The following AFAP1L1 variants were observed in gnomAD, a reference collection of about 807,000 sequenced individuals.
AFAP1L1 encodes the protein actin filament-associated protein 1-like 1.
In AFAP1L1, 77 loss-of-function variants were observed where a neutral mutation model predicts 99.8. That is an observed-to-expected ratio of 0.77 (90% CI 0.64 to 0.93). AFAP1L1 has a LOEUF of 0.93. Ranked by LOEUF, AFAP1L1 falls within the 40% of genes least tolerant of loss-of-function variation. AFAP1L1 has a pLI of 0.00. For missense variants in AFAP1L1, 893 were observed against 996.8 expected (o/e 0.90, Z 1.40); for synonymous variants, 373 against 395.3 (o/e 0.94, Z 0.67).
intron 8 of AFAP1L1, 85 bp downstream of exon 8, chr5:149,310,220 C>A (rs1756583586): frequency 9.0e-6 from 13 of 1,442,866 alleles, no homozygotes; most frequent in Non-Finnish European, 1.2e-5. Context: ...GCTCCTGTCC[C>A]TGGAAGAGCC....
chr5:149,327,873 A>T (rs570282458), intron 15 of AFAP1L1, among the ~76,000 whole-genome samples: 3 of 152,350 alleles, frequency 2.0e-5, no homozygotes, highest in African/African-American at 7.2e-5. Flanking sequence ...AGATGAGCAT[A>T]AAAAATATTC....
intron 15 of AFAP1L1, among the ~76,000 whole-genome samples, chr5:149,329,406 C>A (rs988781807): frequency 2.6e-5 from 4 of 152,312 alleles, no homozygotes; most frequent in African/African-American, 9.6e-5. Flanking sequence ...GTCACACAAC[C>A]TTTGACCAGC....
At chr5:149,276,284 C>T (rs571781572) in intron 1 of AFAP1L1, among the ~76,000 whole-genome samples, 4 of 152,292 alleles carry the variant, frequency 2.6e-5, no homozygotes, top group East Asian at 3.9e-4. Flanking sequence ...AAACAAACGC[C>T]GAAAGTAGAA....
chr5:149,274,453 G>A (rs1179661150), intron 1 of AFAP1L1, among the ~76,000 whole-genome samples: 3 of 152,212 alleles, frequency 2.0e-5, no homozygotes, highest in African/African-American at 4.8e-5. Flanking sequence ...AAGTGGTCTT[G>A]TGGCTGGGCA....
At chr5:149,317,488 C>T (rs370866185) in intron 11 of AFAP1L1, among the ~76,000 whole-genome samples, 74 of 152,312 alleles carry the variant, frequency 4.9e-4, no homozygotes, top group African/African-American at 1.7e-3. Context: ...CTGCCCTTTT[C>T]ATCAAGGTTG....
At chr5:149,322,312 G>A (rs986819617) in intron 14 of AFAP1L1, among the ~76,000 whole-genome samples, 4 of 152,058 alleles carry the variant, frequency 2.6e-5, no homozygotes, top group Non-Finnish European at 4.4e-5. Flanking sequence ...CAAAAGTATC[G>A]ATGATAAATC....
intron 16 of AFAP1L1, among the ~76,000 whole-genome samples, 195 bp downstream of exon 16, chr5:149,330,025 A>C (rs1757212912): frequency 1.3e-5 from 2 of 152,164 alleles, no homozygotes; most frequent in Admixed American, 1.3e-4. Context: ...CAATTAAAGA[A>C]AGTGCCATCA....
At position 149,301,161 on chromosome 5, in the gene AFAP1L1, G is replaced by A. The variant is rs753723021; in HGVS notation, c.258G>A (p.Met86Ile). ...GTGACCTGAGTGACCTTCGGGACAT[G>A]CCAGAGGATGATGGGGAGCCCAGCA... ...FDCDLSDLRD[M>I]PEDDGEPSKG... The change falls in exon 4 of 19, where the codon ATG (methionine) becomes ATA (isoleucine). Residue 86 changes from methionine (M) to isoleucine (I), a missense_variant. By Grantham distance (10) the Met-to-Ile change is conservative (BLOSUM62 1). Transcript: ENST00000296721. The A allele has an allele frequency of 1.2e-6, 2 of 1,613,982 alleles. No homozygotes were observed. The highest frequency in any genetic ancestry group is 3.3e-5 in the Admixed American group (2 of 60,012).
In AFAP1L1 at chr5:149,328,244, C is replaced by A. The variant is rs560870959; in HGVS notation, c.1811-1422C>A. Among the ~76,000 whole-genome samples, 9 of 152,324 alleles carry A rather than the reference C, an allele frequency of 5.9e-5. No individual in the cohort carries two copies. The South Asian group carries it at 1.9e-3, about 32-fold the overall frequency. On this transcript the variant is annotated intron_variant, in intron 15 of 18. Coordinates refer to ENST00000296721, the MANE Select transcript of AFAP1L1 (RefSeq NM_152406.4). The stretch of plus-strand genomic sequence containing the variant: ...CCCTGCAGCAGCTGGCTAGACAAGA[C>A]CCCCAATTATCCATAAACTGCAGGA...
At chr5:149,280,368 C>A (rs899035797) in intron 1 of AFAP1L1, among the ~76,000 whole-genome samples, 13 of 152,158 alleles carry the variant, frequency 8.5e-5, no homozygotes, top group African/African-American at 3.1e-4. Context: ...TTATCTAAAG[C>A]AGTGGTTCTC....
In AFAP1L1 at chr5:149,312,126, G is replaced by T; in HGVS notation, c.942G>T (p.Val314=). The T allele has an allele frequency of 6.2e-7, 1 of 1,613,804 alleles. No individual in the cohort carries two copies. The highest frequency in any genetic ancestry group is 8.5e-7 in the Non-Finnish European group (1 of 1,179,986). ...AEEWLKVIRE[V]SKPVGGAEGV... is the part of the protein sequence containing the mutation. The stretch of plus-strand genomic sequence containing the variant: ...CCTCTTCACAGGTCATCCGAGAAGT[G>T]AGCAAGCCAGTTGGGGGAGCTGAGG... Residue 314 remains valine (V), a synonymous_variant, in exon 9 of 19, where the codon GTG becomes GTT. Transcript: ENST00000296721.
At chr5:149,322,964 T>A (rs1756998046) in intron 15 of AFAP1L1, among the ~76,000 whole-genome samples, 1 of 151,824 alleles carries the variant, frequency 6.6e-6, no homozygotes, top group South Asian at 2.1e-4. Flanking sequence ...CGGTACCCAG[T>A]TTTCTCAGGT....
In AFAP1L1 at chr5:149,301,163, C is replaced by T. The variant is rs1002589053; in HGVS notation, c.260C>T (p.Pro87Leu). Residue 87 changes from proline to leucine, a missense_variant, in exon 4 of 19, where the codon CCA becomes CTA. Coordinates refer to ENST00000296721, the MANE Select transcript of AFAP1L1 (RefSeq NM_152406.4). The part of the protein sequence containing the change: ...DCDLSDLRDM[P>L]EDDGEPSKGA... ...GACCTGAGTGACCTTCGGGACATGCCAGAGGATGATGGGGAGCCCAGCAAA... is the reference window on the plus strand; with the variant it reads ...GACCTGAGTGACCTTCGGGACATGCTAGAGGATGATGGGGAGCCCAGCAAA... The T allele has an allele frequency of 1.2e-6, 2 of 1,613,908 alleles. No homozygotes were observed. The highest frequency in any genetic ancestry group is 4.5e-5 in the East Asian group (2 of 44,870).
chr5:149,303,681 CACAA>C (rs1477176044), intron 5 of AFAP1L1, among the ~76,000 whole-genome samples: 2 of 152,142 alleles, frequency 1.3e-5, no homozygotes, highest in African/African-American at 4.8e-5. Context: ...ATAGGGTGTA[CACAA>C]ACACACACAC....
At chr5:149,329,544 T>C (rs1330551746) in intron 15 of AFAP1L1, 122 bp from the exon 16 acceptor site, 17 of 999,366 alleles carry the variant, frequency 1.7e-5, no homozygotes, top group Non-Finnish European at 2.5e-5. Flanking sequence ...TCTAAGGGAC[T>C]AGGTCTAAAT....
intron 6 of AFAP1L1, among the ~76,000 whole-genome samples, chr5:149,307,124 A>G (rs147727618): frequency 2.0e-4 from 31 of 152,250 alleles, no homozygotes; most frequent in African/African-American, 7.5e-4. Context: ...GTGGGTGCCT[A>G]TAATCTCAGC....
chr5:149,299,214 G>A (rs747187643), intron 1 of AFAP1L1, among the ~76,000 whole-genome samples: 8 of 152,196 alleles, frequency 5.3e-5, no homozygotes, highest in Non-Finnish European at 1.0e-4. Flanking sequence ...CCTCTGCTCG[G>A]GGCTGCCTGA....
intron 1 of AFAP1L1, among the ~76,000 whole-genome samples, chr5:149,280,135 A>G (rs949590450): frequency 6.6e-6 from 1 of 152,250 alleles, no homozygotes; most frequent in East Asian, 1.9e-4. Context: ...TTTTAACTCC[A>G]GGATTCTCCA....
At chr5:149,318,059 G>T (rs1395481437) in intron 12 of AFAP1L1, 119 bp downstream of exon 12, 9 of 1,207,356 alleles carry the variant, frequency 7.5e-6, no homozygotes, top group Non-Finnish European at 8.0e-6. Flanking sequence ...GGGAAGGAAA[G>T]CAAGCCTCAC....
Sources: gnomAD v4.1 joint callset for allele counts (sites outside exome capture counted in the v4.1 genomes callset) on GRCh38, gnomAD v4.1.1 for gene constraint, MANE v1.5 for transcripts, NCBI Gene and HGNC (gene_info 2026-07-23, HGNC 2026-07-21) for gene names.